The following CTNNBIP1 variants were observed in gnomAD, a reference collection of about 807,000 sequenced individuals.
CTNNBIP1 encodes the protein catenin beta interacting protein 1.
A neutral mutation model predicts 11.8 loss-of-function variants in CTNNBIP1; 7 were observed. That is an observed-to-expected ratio of 0.60 (90% CI 0.34 to 1.12). CTNNBIP1 has a LOEUF of 1.12. Ranked by LOEUF, CTNNBIP1 falls within the 50% of genes most tolerant of loss-of-function variation. The pLI is 0.03. For missense variants in CTNNBIP1, 101 were observed against 113.4 expected, an observed-to-expected ratio of 0.89 and a Z score of 0.50; for synonymous variants, 58 against 43.9, an observed-to-expected ratio of 1.32 and a Z score of -1.26.
intron 5 of CTNNBIP1, among the ~76,000 whole-genome samples, chr1:9,864,541 G>A (rs1469276697): frequency 6.6e-6 from 1 of 152,170 alleles, no homozygotes; most frequent in African/African-American, 2.4e-5. Context: ...TGTTAGCCAG[G>A]ATGGTCTCAA....
chr1:9,908,279 G>A (rs1025523255), intron 1 of CTNNBIP1, among the ~76,000 whole-genome samples: 18 of 151,798 alleles, frequency 1.2e-4, no homozygotes, highest in South Asian at 4.2e-4. Flanking sequence ...GGATGGTCTC[G>A]AACTCCTGAC....
In CTNNBIP1 at chr1:9,872,623, G is replaced by A. The variant is rs891197280; in HGVS notation, c.-24-535C>T. Among the ~76,000 whole-genome samples the A allele has an allele frequency of 6.6e-6, 1 of 152,214 alleles. No homozygotes were observed. Among genetic ancestry groups the A allele is most frequent in the Admixed American group, 6.5e-5 (1 of 15,276 alleles). On this transcript the variant is annotated intron_variant, in intron 3 of 5. Coordinates refer to ENST00000377263, the MANE Select transcript of CTNNBIP1 (RefSeq NM_020248.3). The surrounding 1 kb of genome is among the most constrained non-coding windows in gnomAD (Gnocchi z 4.0). Reference sequence around the variant, plus strand: ...GCCCCTGACAAGTTTAAGAGGCCAGGGTTGTGGCTCCTGGGCTGGGCTCCA... The same window carrying A: ...GCCCCTGACAAGTTTAAGAGGCCAGAGTTGTGGCTCCTGGGCTGGGCTCCA...
In CTNNBIP1 at chr1:9,871,865, G is replaced by A. The variant is rs1034004488; in HGVS notation, c.96+104C>T. On this transcript the variant is annotated intron_variant, in intron 4 of 5. Transcript: ENST00000377263. The surrounding 1 kb of genome is among the most constrained non-coding windows in gnomAD (Gnocchi z 5.2). ...CGGCCCCTCCTCAGCCCGTGGCTCC[G>A]CAGGAGGCAGCCGCAGTGGCTCCAC... 60 of 991,696 alleles carry A rather than the reference G, an allele frequency of 6.1e-5. No individual in the cohort carries two copies. Among genetic ancestry groups the A allele is most frequent in the Non-Finnish European group, 7.2e-5 (46 of 639,838 alleles). The allele number at this position is 991,696 out of a possible 1,614,324, so 61.4% of individuals were successfully genotyped here. A position where few individuals can be genotyped will look rare whatever the true frequency, so the allele number is the denominator to read the frequency against.
chr1:9,881,715 A>G (rs1639087148), intron 2 of CTNNBIP1, among the ~76,000 whole-genome samples: 1 of 152,182 alleles, frequency 6.6e-6, no homozygotes, highest in Non-Finnish European at 1.5e-5. Flanking sequence ...CTGGTCTAGA[A>G]TGAGAAAAAG....
At chr1:9,869,459 G>C (rs2101474643) in intron 5 of CTNNBIP1, among the ~76,000 whole-genome samples, 1 of 152,218 alleles carries the variant, frequency 6.6e-6, no homozygotes, top group African/African-American at 2.4e-5. Context: ...CAAGTAGCTG[G>C]GATTACACCT....
In CTNNBIP1 at chr1:9,848,648, G is replaced by C. The variant is rs1437770218; in HGVS notation, c.*2070C>G. The C allele has an allele frequency of 6.6e-6, 1 of 152,202 alleles. No individual in the cohort carries two copies. The highest frequency in any genetic ancestry group is 2.4e-5 in the African/African-American group (1 of 41,430). The allele number at this position is 152,202 out of a possible 1,614,324, so 9.4% of individuals were successfully genotyped here. Reference sequence around the variant, plus strand: ...GGGGAGAGTGCGTGTGTGTGCACATGTGTATGAGTGTGCACACGGGTGTGC... The same window carrying C: ...GGGGAGAGTGCGTGTGTGTGCACATCTGTATGAGTGTGCACACGGGTGTGC... On this transcript the variant is annotated 3_prime_UTR_variant, in exon 6 of 6. Coordinates refer to ENST00000377263, the MANE Select transcript of CTNNBIP1 (RefSeq NM_020248.3). This position sits in a 1 kb window ranked among gnomAD's most constrained non-coding sequence, Gnocchi z 4.3.
intron 1 of CTNNBIP1, among the ~76,000 whole-genome samples, chr1:9,909,892 G>A (rs970739294): frequency 6.6e-6 from 1 of 152,056 alleles, no homozygotes; most frequent in Non-Finnish European, 1.5e-5. Flanking sequence ...AAGAGTCAGG[G>A]AGGCGGGAGG....
chr1:9,854,691 T>C (rs564296767), intron 5 of CTNNBIP1, among the ~76,000 whole-genome samples: 2 of 152,282 alleles, frequency 1.3e-5, no homozygotes, highest in South Asian at 4.1e-4. Flanking sequence ...AATTTTTTTT[T>C]TTTGAGATAG....
chr1:9,865,840 A>C (rs1475866380), intron 5 of CTNNBIP1, among the ~76,000 whole-genome samples: 1 of 152,172 alleles, frequency 6.6e-6, no homozygotes, highest in Non-Finnish European at 1.5e-5. Flanking sequence ...CTGGGAAAAA[A>C]ATCACTACGC....
chr1:9,891,781 A>ATTTTTTTTTT (rs70998316), intron 1 of CTNNBIP1, among the ~76,000 whole-genome samples: 1 of 81,410 alleles, frequency 1.2e-5, no homozygotes, highest in Non-Finnish European at 2.2e-5. Flanking sequence ...ATCTCTTTAA[A>ATTTTTTTTTT]TTTTTTTTTT....
At chr1:9,909,022 C>T (rs1639677088) in intron 1 of CTNNBIP1, among the ~76,000 whole-genome samples, 1 of 152,218 alleles carries the variant, frequency 6.6e-6, no homozygotes, top group Non-Finnish European at 1.5e-5. Flanking sequence ...TCTGAGGAAG[C>T]TGCTGGTATC....
intron 1 of CTNNBIP1, among the ~76,000 whole-genome samples, chr1:9,909,814 C>T (rs1384151673): frequency 1.3e-5 from 2 of 152,080 alleles, no homozygotes; most frequent in East Asian, 3.9e-4. Flanking sequence ...CGATGACAGG[C>T]ACCCGGACGC....
chr1:9,894,531 TTTC>T (rs1365095384), intron 1 of CTNNBIP1, among the ~76,000 whole-genome samples: 3 of 151,516 alleles, frequency 2.0e-5, no homozygotes, highest in Non-Finnish European at 2.9e-5. Context: ...GCTTTTTTTT[TTTC>T]TTTTCTTTTG....
intron 1 of CTNNBIP1, among the ~76,000 whole-genome samples, chr1:9,899,211 T>C (rs1265937855): frequency 6.6e-6 from 1 of 152,106 alleles, no homozygotes; most frequent in African/African-American, 2.4e-5. Context: ...ATCCCAGCAC[T>C]TTGGGAGGCC....
At chr1:9,886,698 A>G (rs1639193138) in intron 1 of CTNNBIP1, among the ~76,000 whole-genome samples, 1 of 152,182 alleles carries the variant, frequency 6.6e-6, no homozygotes, top group Non-Finnish European at 1.5e-5. Flanking sequence ...GTTGCTCTCC[A>G]GTATACAAGT....
In CTNNBIP1 at chr1:9,850,736, C is replaced by T. The variant is rs777597196; in HGVS notation, c.228G>A (p.Thr76=). The T allele has an allele frequency of 3.0e-5, 48 of 1,613,786 alleles. No individual in the cohort carries two copies. The highest frequency in any genetic ancestry group is 3.6e-5 in the Non-Finnish European group (42 of 1,179,892). The change falls in exon 6 of 6, where the codon ACG becomes ACA. Residue 76 remains threonine, a synonymous_variant. Coordinates refer to ENST00000377263, the MANE Select transcript of CTNNBIP1 (RefSeq NM_020248.3). ...DVVMAFSRSE[T]EDRRQ Reference sequence around the variant, plus strand: ...TTTGCAGCTACTGCCTCCGGTCTTCCGTCTCCGACCTGGAAAACGCCATCA... The same window carrying T: ...TTTGCAGCTACTGCCTCCGGTCTTCTGTCTCCGACCTGGAAAACGCCATCA...
intron 1 of CTNNBIP1, among the ~76,000 whole-genome samples, chr1:9,894,483 G>GT (rs1246253262): frequency 4.7e-5 from 7 of 150,338 alleles, no homozygotes; most frequent in Non-Finnish European, 1.0e-4. Flanking sequence ...AGCCTCCTGA[G>GT]TAGCTAGGAT....
chr1:9,860,380 C>G (rs1638596447), intron 5 of CTNNBIP1, among the ~76,000 whole-genome samples: 1 of 134,886 alleles, frequency 7.4e-6, no homozygotes, highest in South Asian at 2.4e-4. Context: ...CACCTGAGGT[C>G]AGGAGTTCAA....
At chr1:9,875,176 C>G (rs6699477) in intron 3 of CTNNBIP1, among the ~76,000 whole-genome samples, 1 of 152,190 alleles carries the variant, frequency 6.6e-6, no homozygotes, top group African/African-American at 2.4e-5. Context: ...CACTCCTGCT[C>G]TGGCTCTCCC....
Sources: allele counts gnomAD v4.1 joint callset (sites outside exome capture counted in the v4.1 genomes callset), GRCh38; gene constraint gnomAD v4.1.1; non-coding constraint Gnocchi (gnomAD v3.1); transcripts MANE v1.5; gene names NCBI Gene and HGNC (gene_info 2026-07-23, HGNC 2026-07-21).